KLRK1: variants seen among roughly 807,000 people sequenced by gnomAD.
KLRK1 encodes the protein NKG2-D type II integral membrane protein.
In KLRK1, 40 loss-of-function variants were observed where a neutral mutation model predicts 31.3. That is an observed-to-expected ratio of 1.28 (90% CI 0.99 to 1.67). The LOEUF (loss-of-function observed/expected upper bound fraction) is 1.67, where lower values mean the gene tolerates loss of function less well. Ranked by LOEUF, KLRK1 falls within the 40% of genes most tolerant of loss-of-function variation. The probability of loss-of-function intolerance (pLI) is 0.00; values close to 1 mark genes in which losing one functional copy is unlikely to be tolerated. For synonymous variants in KLRK1, 77 were observed against 77.3 expected (o/e 1.00, Z 0.02); for missense variants, 251 against 260.0 (o/e 0.97, Z 0.24).
chr12:10,388,830 G>A lies in KLRK1; in HGVS notation c.-20C>T, dbSNP rs183418669. The A allele has an allele frequency of 7.0e-4, 1,135 of 1,613,668 alleles. 2 individuals are homozygous for A. The highest frequency in any genetic ancestry group is 7.3e-4 in the Non-Finnish European group (864 of 1,179,814). ...CCCCATCAAATACTTATAAGTGCACGTCTACCGCAGAGAGGAATCTAAAGT... is the reference window on the plus strand; with the variant it reads ...CCCCATCAAATACTTATAAGTGCACATCTACCGCAGAGAGGAATCTAAAGT... On this transcript the variant is annotated 5_prime_UTR_variant, in exon 2 of 8. In the 5' UTR this introduces an upstream ATG that the reference lacks. Transcript: ENST00000240618.
intron 7 of KLRK1, among the ~76,000 whole-genome samples, chr12:10,373,597 A>C (rs1862902493): frequency 6.6e-6 from 1 of 152,154 alleles, no homozygotes; most frequent in East Asian, 1.9e-4. Context: ...TGGAAAAATA[A>C]AACATTTTCT....
At chr12:10,375,734 G>A (rs2617149) in intron 7 of KLRK1, among the ~76,000 whole-genome samples, 1 of 152,004 alleles carries the variant, frequency 6.6e-6, no homozygotes, top group Non-Finnish European at 1.5e-5. Context: ...AGAAATTACT[G>A]AACAGTGTAG....
At chr12:10,381,726 A>C (rs1297521288) in intron 3 of KLRK1, 5 of 152,230 alleles carry the variant, frequency 3.3e-5, no homozygotes, top group African/African-American at 4.8e-5. Flanking sequence ...AAAAGAATTC[A>C]AGAAATTAGG....
chr12:10,373,704 G>A (rs1468119078), intron 7 of KLRK1, among the ~76,000 whole-genome samples: 3 of 146,402 alleles, frequency 2.0e-5, no homozygotes, highest in Admixed American at 2.0e-4. Context: ...AAGTGTGTGT[G>A]TGTGTGTGTG....
chr12:10,373,945 A>G (rs1315129761), intron 7 of KLRK1: 1 of 152,226 alleles, frequency 6.6e-6, no homozygotes, highest in Non-Finnish European at 1.5e-5. Flanking sequence ...AGACGATGTA[A>G]TGATCTCTGT....
chr12:10,383,147 A>G (rs981361849), intron 3 of KLRK1, among the ~76,000 whole-genome samples: 7 of 152,120 alleles, frequency 4.6e-5, no homozygotes, highest in Non-Finnish European at 1.0e-4. Flanking sequence ...AAGTTCTTAC[A>G]TACCAATAAT....
chr12:10,379,669 T>A, intron 4 of KLRK1, 31 bp downstream of exon 4: 1 of 1,558,102 alleles, frequency 6.4e-7, no homozygotes, highest in East Asian at 2.3e-5. Context: ...AAATTGACAA[T>A]GTTGCAATCT....
rs3055416 is a variant in KLRK1 at position 10,385,367 on chromosome 12, GAC to G, written c.148+1534_148+1535del. ...ACAGATAAATAGCTAAGCACACACAGACACACACACACACACACACACACACA... is the reference window on the plus strand; with the variant it reads ...ACAGATAAATAGCTAAGCACACACAGACACACACACACACACACACACACA... On this transcript the variant is annotated intron_variant, in intron 3 of 7. Transcript: ENST00000240618. 2.5e-3 allele frequency among the ~76,000 whole-genome samples: 363 copies of G among 145,794 alleles called. 4 individuals are homozygous for G. The East Asian group carries it at 0.044, about 18-fold the overall frequency.
chr12:10,376,754 C>T (rs1451570813), intron 7 of KLRK1, among the ~76,000 whole-genome samples: 1 of 152,132 alleles, frequency 6.6e-6, no homozygotes, highest in African/African-American at 2.4e-5. Context: ...TAGTAAAATG[C>T]AAGTTAAAAC....
At chr12:10,388,315 A>G (rs1863204783) in intron 2 of KLRK1, among the ~76,000 whole-genome samples, 1 of 152,210 alleles carries the variant, frequency 6.6e-6, no homozygotes, top group Non-Finnish European at 1.5e-5. Context: ...ATTTATAAAC[A>G]CCTTTAGGAT....
chr12:10,386,783 G>T, intron 3 of KLRK1, 120 bp downstream of exon 3: 1 of 523,746 alleles, frequency 1.9e-6, no homozygotes, highest in Non-Finnish European at 3.1e-6. Flanking sequence ...GAGAGTTCAT[G>T]TTATTCCTGC....
chr12:10,379,379 A>G (rs1328158570), intron 5 of KLRK1, 68 bp downstream of exon 5: 2 of 955,300 alleles, frequency 2.1e-6, no homozygotes, highest in Non-Finnish European at 3.0e-6. Context: ...CATGGAATAC[A>G]TGTCTACACA....
intron 5 of KLRK1, 64 bp from the exon 6 acceptor site, chr12:10,378,769 A>G: frequency 1.3e-6 from 2 of 1,509,296 alleles, no homozygotes; most frequent in Non-Finnish European, 1.8e-6. Context: ...TTTTGTCTAG[A>G]CAAATTAAAT....
intron 5 of KLRK1, 77 bp downstream of exon 5, chr12:10,379,370 A>G: frequency 1.1e-6 from 1 of 885,446 alleles, no homozygotes; most frequent in Non-Finnish European, 1.6e-6. Context: ...TTTTTTAATC[A>G]TGGAATACAT....
Position 10,379,496 on chromosome 12 carries a change from C to A in KLRK1, c.242-14G>T. On this transcript the variant is annotated splice_polypyrimidine_tract_variant and intron_variant, in intron 4 of 7. Transcript: ENST00000240618. ...GGTTGAATAATGCTATTAAAATAAC[C>A]ATAAGTATTAAAAGTTTGTATTGTT... 3 of 1,459,362 alleles carry A rather than the reference C, an allele frequency of 2.1e-6. No homozygotes were observed. Among genetic ancestry groups the A allele is most frequent in the South Asian group, 1.3e-5 (1 of 75,578 alleles). 90.4% of individuals were successfully genotyped at this position (1,459,362 alleles called of 1,614,324 possible).
intron 3 of KLRK1, among the ~76,000 whole-genome samples, chr12:10,382,840 T>C (rs1267150197): frequency 6.6e-6 from 1 of 152,110 alleles, no homozygotes; most frequent in Non-Finnish European, 1.5e-5. Flanking sequence ...AGTCAACATG[T>C]GAGAGGAGAT....
intron 2 of KLRK1, 37 bp downstream of exon 2, chr12:10,388,734 A>C (rs574928975): frequency 6.2e-7 from 1 of 1,613,068 alleles, no homozygotes; most frequent in East Asian, 2.2e-5. Flanking sequence ...AAAATTGTAT[A>C]AAAACAAAAC....
In KLRK1 at chr12:10,373,141, C is replaced by T. The variant is rs1049172; in HGVS notation, c.624G>A (p.Thr208=). 1,153,374 of 1,610,600 alleles carry T rather than the reference C, an allele frequency of 0.72. 417,283 individuals carry two copies. Among genetic ancestry groups the T allele is most frequent in the East Asian group, 0.89 (39,675 of 44,718 alleles). The change falls in exon 8 of 8, where the codon ACG becomes ACA. Residue 208 remains threonine, a synonymous_variant. Transcript: ENST00000240618. The part of the protein sequence containing the change: ...GYIENCSTPN[T]YICMQRTV ...ACACAGTCCTTTGCATGCAGATGTACGTATTTGGAGTTGAACAGTTTTCTA... is the reference window on the plus strand; with the variant it reads ...ACACAGTCCTTTGCATGCAGATGTATGTATTTGGAGTTGAACAGTTTTCTA...
At position 10,378,242 on chromosome 12, in the gene KLRK1, G is replaced by A. The variant is rs565341422; in HGVS notation, c.430-7C>T. ...TCACCAGTTTAAGTAAATCCTGTTTGAAACCACAAATAAACTATAAGTAAA... is the reference window on the plus strand; with the variant it reads ...TCACCAGTTTAAGTAAATCCTGTTTAAAACCACAAATAAACTATAAGTAAA... On this transcript the variant is annotated splice_polypyrimidine_tract_variant and splice_region_variant and intron_variant, in intron 6 of 7. Coordinates refer to ENST00000240618, the MANE Select transcript of KLRK1 (RefSeq NM_007360.4). 6.2e-6 allele frequency: 10 copies of A among 1,609,074 alleles called. No homozygotes were observed. The South Asian group carries it at 1.1e-4, about 18-fold the overall frequency.
Sources: allele counts gnomAD v4.1 joint callset (sites outside exome capture counted in the v4.1 genomes callset), GRCh38; gene constraint gnomAD v4.1.1; transcripts MANE v1.5; gene names NCBI Gene and HGNC (gene_info 2026-07-23, HGNC 2026-07-21).